EPHA6: variants seen among roughly 807,000 people sequenced by gnomAD.
The protein encoded by EPHA6 is EPH receptor A6.
A neutral mutation model predicts 112.0 loss-of-function variants in EPHA6; 50 were observed. The observed-to-expected ratio is 0.45, with a 90% CI of 0.36 to 0.56. The LOEUF (loss-of-function observed/expected upper bound fraction) is 0.56. EPHA6 is among the 20% of genes least tolerant of loss of function. The pLI, the probability that EPHA6 is intolerant of heterozygous loss-of-function variation, is 0.00. For synonymous variants in EPHA6, 529 were observed against 490.7 expected, an observed-to-expected ratio of 1.08 and a Z score of -1.03; for missense variants, 1,280 against 1,417.4, an observed-to-expected ratio of 0.90 and a Z score of 1.56.
intron 3 of EPHA6, among the ~76,000 whole-genome samples, chr3:97,125,251 C>T (rs1424271834): frequency 6.6e-6 from 1 of 152,106 alleles, no homozygotes; most frequent in Non-Finnish European, 1.5e-5. Context: ...TAACCTTTAG[C>T]TAAGAAAGAA....
At chr3:97,061,632 A>C (rs907379807) in intron 3 of EPHA6, among the ~76,000 whole-genome samples, 85 of 152,216 alleles carry the variant, frequency 5.6e-4, no homozygotes, top group Non-Finnish European at 2.1e-4. Context: ...AGGGGATGAG[A>C]AGGTAAAAAG....
chr3:97,433,817 C>T (rs961407132), intron 6 of EPHA6, among the ~76,000 whole-genome samples: 4 of 152,002 alleles, frequency 2.6e-5, no homozygotes, highest in East Asian at 3.9e-4. Flanking sequence ...CAAACATATC[C>T]GTTCCACCCT....
intron 3 of EPHA6, among the ~76,000 whole-genome samples, chr3:97,078,462 C>T (rs1194094846): frequency 6.6e-6 from 1 of 152,082 alleles, no homozygotes; most frequent in Non-Finnish European, 1.5e-5. Context: ...GTCATGAAGT[C>T]CTTGCCCATG....
rs576512415 is a variant in EPHA6 at position 97,057,226 on chromosome 3, A to G, written c.1114+69233A>G. Reference sequence around the variant, plus strand: ...CCACACACTTTCCCTATAAATATCAATATTTAAAATTGATAACTTTGATAA... The same window carrying G: ...CCACACACTTTCCCTATAAATATCAGTATTTAAAATTGATAACTTTGATAA... On this transcript the variant is annotated intron_variant, in intron 3 of 17. Transcript: ENST00000389672. Among the ~76,000 whole-genome samples, 80 of 152,350 alleles carry G rather than the reference A, an allele frequency of 5.3e-4. No homozygotes were observed. The Middle Eastern group carries it at 0.01, about 19-fold the overall frequency.
intron 5 of EPHA6, among the ~76,000 whole-genome samples, chr3:97,367,077 A>G (rs1247191015): frequency 1.3e-5 from 2 of 152,090 alleles, no homozygotes; most frequent in African/African-American, 4.8e-5. Flanking sequence ...ATAAGGAAGG[A>G]CTCTGAGATT....
intron 12 of EPHA6, among the ~76,000 whole-genome samples, chr3:97,605,373 T>C (rs901138727): frequency 3.3e-5 from 5 of 151,664 alleles, no homozygotes; most frequent in Non-Finnish European, 5.9e-5. Flanking sequence ...CTAGGATTTT[T>C]ATAGTTTGAG....
intron 14 of EPHA6, among the ~76,000 whole-genome samples, chr3:97,711,307 C>T (rs1180833636): frequency 6.8e-6 from 1 of 148,010 alleles, no homozygotes; most frequent in Non-Finnish European, 1.5e-5. Context: ...GTCCACTAAA[C>T]CTCTTTCTTT....
chr3:97,050,746 T>C (rs929363368), intron 3 of EPHA6, among the ~76,000 whole-genome samples: 2 of 152,190 alleles, frequency 1.3e-5, no homozygotes, highest in African/African-American at 2.4e-5. Context: ...ATTTATTTGT[T>C]TATTTTTTAC....
intron 13 of EPHA6, among the ~76,000 whole-genome samples, chr3:97,616,286 T>A (rs1300686384): frequency 6.6e-6 from 1 of 152,038 alleles, no homozygotes; most frequent in Non-Finnish European, 1.5e-5. Context: ...GTCAGCAACC[T>A]CAAAGATTGA....
At chr3:97,393,065 A>G (rs1238661356) in intron 5 of EPHA6, among the ~76,000 whole-genome samples, 2 of 151,896 alleles carry the variant, frequency 1.3e-5, no homozygotes, top group African/African-American at 4.8e-5. Context: ...GATGTTATAA[A>G]TGAGGAATTT....
At chr3:96,926,648 A>G (rs1424617289) in intron 2 of EPHA6, among the ~76,000 whole-genome samples, 1 of 152,260 alleles carries the variant, frequency 6.6e-6, no homozygotes, top group African/African-American at 2.4e-5. Context: ...AAGGGGCTAC[A>G]GGCCCCATGC....
At position 97,663,946 on chromosome 3, in the gene EPHA6, C is replaced by T. The variant is rs1341076741; in HGVS notation, c.2784+25864C>T. Among the ~76,000 whole-genome samples, 15 of 152,272 alleles carry T rather than the reference C, an allele frequency of 9.9e-5. 1 individual carries two copies. The East Asian group carries it at 2.9e-3, about 29-fold the overall frequency. ...CAATGGTTGAACTAGTTTACAGTTC[C>T]AGCAACAGTGTAAAAGTGTTCCTAT... On this transcript the variant is annotated intron_variant, in intron 14 of 17. Coordinates refer to ENST00000389672, the MANE Select transcript of EPHA6 (RefSeq NM_001080448.3).
intron 7 of EPHA6, among the ~76,000 whole-genome samples, chr3:97,462,858 A>G (rs2090933910): frequency 6.6e-6 from 1 of 152,172 alleles, no homozygotes; most frequent in Non-Finnish European, 1.5e-5. Context: ...CCAAGTAGGA[A>G]CACACCAAAA....
intron 15 of EPHA6, among the ~76,000 whole-genome samples, chr3:97,728,268 T>TC (rs991561266): frequency 7.3e-5 from 11 of 150,886 alleles, no homozygotes; most frequent in African/African-American, 1.2e-4. Flanking sequence ...AAATTTCATT[T>TC]TTTCCCAGAG....
chr3:97,491,198 A>G (rs1178289407), intron 10 of EPHA6, among the ~76,000 whole-genome samples: 2 of 152,216 alleles, frequency 1.3e-5, no homozygotes, highest in African/African-American at 4.8e-5. Flanking sequence ...AAGGACAGGA[A>G]TACCAGGATG....
intron 3 of EPHA6, among the ~76,000 whole-genome samples, chr3:97,104,881 G>A (rs1035837735): frequency 2.6e-5 from 4 of 152,026 alleles, no homozygotes; most frequent in Admixed American, 1.3e-4. Context: ...CAGGGTGTAT[G>A]TGTCCAGGAA....
intron 5 of EPHA6, among the ~76,000 whole-genome samples, chr3:97,339,316 A>G (rs1396745300): frequency 6.6e-6 from 1 of 152,212 alleles, no homozygotes; most frequent in Non-Finnish European, 1.5e-5. Context: ...TACAAAATCC[A>G]GCACTTAGAA....
intron 7 of EPHA6, among the ~76,000 whole-genome samples, chr3:97,454,399 G>A (rs2090618108): frequency 6.6e-6 from 1 of 151,170 alleles, no homozygotes; most frequent in Non-Finnish European, 1.5e-5. Flanking sequence ...ACTAAAGAAT[G>A]GTATGTTGCC....
chr3:97,374,691 A>G (rs2085247862), intron 5 of EPHA6, among the ~76,000 whole-genome samples: 2 of 152,006 alleles, frequency 1.3e-5, no homozygotes, highest in African/African-American at 4.8e-5. Context: ...ATAGTCCCCA[A>G]TGTCTATTAT....
Sources: allele counts gnomAD v4.1 joint callset (sites outside exome capture counted in the v4.1 genomes callset), GRCh38; gene constraint gnomAD v4.1.1; transcripts MANE v1.5; gene names NCBI Gene and HGNC (gene_info 2026-07-23, HGNC 2026-07-21).